The following SERINC4 variants were observed in gnomAD, a reference collection of about 807,000 sequenced individuals.
SERINC4 encodes serine incorporator 4.
SERINC4 carries 52 observed loss-of-function variants against 52.0 expected under a neutral mutation model. The observed-to-expected ratio is 1.00, with a 90% CI of 0.80 to 1.26. SERINC4 has a LOEUF of 1.26. Among genes scored for constraint, SERINC4 ranks in the 50% most tolerant of loss-of-function variants. The pLI is 0.00. For missense variants in SERINC4, 723 were observed against 632.8 expected (o/e 1.14, Z -1.53); for synonymous variants, 264 against 247.7 (o/e 1.07, Z -0.62).
In SERINC4 at chr15:43,799,450, A is replaced by T. The variant is rs2141696478; in HGVS notation, c.139T>A (p.Cys47Ser). 1 of 1,550,758 alleles carries T rather than the reference A, an allele frequency of 6.4e-7. No individual in the cohort carries two copies. The highest frequency in any genetic ancestry group is 2.4e-5 in the East Asian group (1 of 40,922). The change falls in exon 2 of 12, where the codon TGC becomes AGC. Residue 47 changes from cysteine (C) to serine (S), a missense_variant. Transcript: ENST00000319327. The part of the protein sequence containing the change: ...CCGPAPCASC[C>S]HSRWPSLTAS... ...GTGAGAGAGGGCCACCTAGAGTGGCAGCAGCTGGCACAAGGAGCAGGCCCA... is the reference window on the plus strand; with the variant it reads ...GTGAGAGAGGGCCACCTAGAGTGGCTGCAGCTGGCACAAGGAGCAGGCCCA...
At position 43,796,427 on chromosome 15, in the gene SERINC4, C is replaced by T. The variant is rs186131672; in HGVS notation, c.1067+189G>A. The T allele has an allele frequency of 5.5e-5, 40 of 725,698 alleles. No individual in the cohort carries two copies. In the East Asian group the frequency reaches 9.5e-4, roughly 17 times the overall value. The allele number at this position is 725,698 out of a possible 1,614,324, so 45.0% of individuals were successfully genotyped here. A position where few individuals can be genotyped will look rare whatever the true frequency, so the allele number is the denominator to read the frequency against. ...TTTTAAATTCTCAAGTCATTCCCCC[C>T]ACCCCCTTCATCTCATACAGATCAT... is the stretch of plus-strand genomic sequence containing the variant. On this transcript the variant is annotated intron_variant, in intron 8 of 11. Transcript: ENST00000319327.
chr15:43,795,730 AG>A lies in SERINC4; in HGVS notation c.1146del (p.Ser383HisfsTer119), dbSNP rs1336179804. 1 of 1,613,970 alleles carries A rather than the reference AG, an allele frequency of 6.2e-7. No homozygotes were observed. Among genetic ancestry groups the A allele is most frequent in the Non-Finnish European group, 8.5e-7 (1 of 1,179,930 alleles). ...GTTTCAGGGCAGCAGAAACACAGTG[AG>A]GGCTTCTGCAAAACAGAACGCAGGT... ...VKVYSYEFQKPSLCFCCPETV... is the reference protein window; with the variant it reads ...VKVYSYEFQKXSLCFCCPETV... On this transcript the variant is annotated frameshift_variant, in exon 10 of 12. Transcript: ENST00000319327. LOFTEE classifies it high-confidence loss of function.
chr15:43,797,433 C>T (rs2087238219), intron 5 of SERINC4, 77 bp from the exon 6 acceptor site: 4 of 1,163,958 alleles, frequency 3.4e-6, no homozygotes, highest in Admixed American at 2.1e-5. Context: ...TGCTCTGTTG[C>T]CCAGGCTGGA....
At chr15:43,798,922 C>T (rs1333099053) in intron 3 of SERINC4, 37 bp downstream of exon 3, 2 of 1,546,574 alleles carry the variant, frequency 1.3e-6, no homozygotes, top group Non-Finnish European at 8.7e-7. Flanking sequence ...TACTTTCCCT[C>T]CTCTGTCCCC....
chr15:43,799,098 G>A lies in SERINC4; in HGVS notation c.319C>T (p.Leu107Phe). The A allele has an allele frequency of 6.4e-7, 1 of 1,550,514 alleles. No individual in the cohort carries two copies. The highest frequency in any genetic ancestry group is 8.7e-7 in the Non-Finnish European group (1 of 1,146,920). The change falls in exon 3 of 12, where the codon CTC becomes TTC. Residue 107 changes from leucine (L) to phenylalanine (F), a missense_variant. Coordinates refer to ENST00000319327, the MANE Select transcript of SERINC4 (RefSeq NM_001258031.2). ...PSGLCAHLFG[L>F]SDCPVLSGSG... ...CCACTGAGCACTGGACAGTCAGAGA[G>A]GCCAAACAGGTGGGCACACAACCCC... is the stretch of plus-strand genomic sequence containing the variant.
rs1157645746 is a variant in SERINC4, at chr15:43,794,539, T to G, written c.*461A>C. 3 of 162,198 alleles carry G rather than the reference T, an allele frequency of 1.8e-5. No homozygotes were observed. Among genetic ancestry groups the G allele is most frequent in the Non-Finnish European group, 4.1e-5 (3 of 73,448 alleles). 10.0% of individuals were successfully genotyped at this position (162,198 alleles called of 1,614,324 possible). On this transcript the variant is annotated 3_prime_UTR_variant, in exon 12 of 12. Transcript: ENST00000319327. ...TCAAAATCAGGATTAAAACCTGGGG[T>G]AGCCTCTGTGCTCCTTTCTTCTATG...
chr15:43,799,834 T>C (rs2087284837), intron 1 of SERINC4, 51 bp downstream of exon 1: 3 of 1,351,996 alleles, frequency 2.2e-6, no homozygotes, highest in Non-Finnish European at 3.1e-6. Context: ...TATTGGCTTC[T>C]GCACGTCTTC....
In SERINC4 at chr15:43,795,035, T is replaced by A. The variant is rs1555458274; in HGVS notation, c.1522A>T (p.Ile508Phe). Residue 508 changes from isoleucine to phenylalanine, a missense_variant, in exon 12 of 12, where the codon ATC becomes TTC. By Grantham distance (21) the Ile-to-Phe change is conservative. Coordinates refer to ENST00000319327, the MANE Select transcript of SERINC4 (RefSeq NM_001258031.2). ...GGATATTTGTTATCTGGGGATATGA[T>A]GCGGTGGCGGCGGCGCCTCAAGATA... is the stretch of plus-strand genomic sequence containing the variant. ...PLILRRRRHRIISPDNKYPPV is the reference protein window; with the variant it reads ...PLILRRRRHRFISPDNKYPPV The A allele has an allele frequency of 6.2e-7, 1 of 1,610,868 alleles. No individual in the cohort carries two copies. Among genetic ancestry groups the A allele is most frequent in the East Asian group, 2.2e-5 (1 of 44,814 alleles).
chr15:43,794,866 T>A lies in SERINC4; in HGVS notation c.*134A>T. The A allele has an allele frequency of 1.4e-6, 1 of 695,746 alleles. No homozygotes were observed. Among genetic ancestry groups the A allele is most frequent in the Non-Finnish European group, 2.5e-6 (1 of 407,246 alleles). The allele number at this position is 695,746 out of a possible 1,614,324, so 43.1% of individuals were successfully genotyped here. A position where few individuals can be genotyped will look rare whatever the true frequency, so the allele number is the denominator to read the frequency against. On this transcript the variant is annotated 3_prime_UTR_variant, in exon 12 of 12. Transcript: ENST00000319327. ...GACTGTGTTTGACCACTTCTTCCAG[T>A]TCATAGTATTGACTTCAGCCCAAAC...
chr15:43,798,761 C>T, intron 3 of SERINC4, 198 bp downstream of exon 3: 1 of 634,186 alleles, frequency 1.6e-6, no homozygotes, highest in East Asian at 2.7e-5. Flanking sequence ...CCAAGATAAC[C>T]CCACTGTTAC....
chr15:43,798,950 C>T lies in SERINC4; in HGVS notation c.458+9G>A. On this transcript the variant is annotated intron_variant, in intron 3 of 11. Transcript: ENST00000319327. ...CTGTCCCCTCCCCACCCAGAAAGTA[C>T]ACACAAACCTATTATGCAGCTGTGC... 1 of 1,550,520 alleles carries T rather than the reference C, an allele frequency of 6.4e-7. No individual in the cohort carries two copies. The highest frequency in any genetic ancestry group is 8.7e-7 in the Non-Finnish European group (1 of 1,146,930).
intron 9 of SERINC4, chr15:43,795,938 A>G (rs2141689789): frequency 3.1e-6 from 2 of 642,614 alleles, no homozygotes; most frequent in Middle Eastern, 2.7e-4. Flanking sequence ...CCATTTGTAA[A>G]ATGGAGCAAA....
intron 10 of SERINC4, 48 bp from the exon 11 acceptor site, chr15:43,795,589 T>C: frequency 6.2e-7 from 1 of 1,612,790 alleles, no homozygotes; most frequent in Non-Finnish European, 8.5e-7. Flanking sequence ...GAAACACCTC[T>C]TCCCCTCTCC....
At position 43,799,797 on chromosome 15, in the gene SERINC4, T is replaced by C. The variant is rs145906392; in HGVS notation, c.102+88A>G. ...CTGGGGCAACGAACCAGAACGACAT[T>C]AGAGGAGAAAAGAGGCCTGTCGTTT... On this transcript the variant is annotated intron_variant, in intron 1 of 11. Coordinates refer to ENST00000319327, the MANE Select transcript of SERINC4 (RefSeq NM_001258031.2). 104 of 1,036,696 alleles carry C rather than the reference T, an allele frequency of 1.0e-4. No homozygotes were observed. The African/African-American group carries it at 1.4e-3, about 14-fold the overall frequency. The allele number at this position is 1,036,696 out of a possible 1,614,324, so 64.2% of individuals were successfully genotyped here.
intron 5 of SERINC4, 132 bp downstream of exon 5, chr15:43,797,788 C>T (rs2141693453): frequency 1.5e-6 from 1 of 662,586 alleles, no homozygotes; most frequent in South Asian, 1.9e-5. Context: ...CATCACATTC[C>T]TAAGCTTTTT....
In SERINC4 at chr15:43,796,612, G is replaced by A. The variant is rs200888964; in HGVS notation, c.1067+4C>T. On this transcript the variant is annotated splice_donor_region_variant and intron_variant, in intron 8 of 11. Coordinates refer to ENST00000319327, the MANE Select transcript of SERINC4 (RefSeq NM_001258031.2). ...ATACCTCCACCCTTGACACCTTTAC[G>A]CACCAAGCAAAAAGCACACAAGCAT... 2.6e-4 allele frequency: 427 copies of A among 1,613,546 alleles called. No homozygotes were observed. Among genetic ancestry groups the A allele is most frequent in the Non-Finnish European group, 3.3e-4 (387 of 1,179,902 alleles).
In SERINC4 at chr15:43,797,061, A is replaced by G. The variant is rs116954300; in HGVS notation, c.844+84T>C. 7.5e-3 allele frequency: 10,956 copies of G among 1,455,054 alleles called. 91 individuals are homozygous for G. Among genetic ancestry groups the G allele is most frequent in the Middle Eastern group, 0.032 (187 of 5,806 alleles). 90.1% of individuals were successfully genotyped at this position (1,455,054 alleles called of 1,614,324 possible). A position where few individuals can be genotyped will look rare whatever the true frequency, so the allele number is the denominator to read the frequency against. On this transcript the variant is annotated intron_variant, in intron 6 of 11. Coordinates refer to ENST00000319327, the MANE Select transcript of SERINC4 (RefSeq NM_001258031.2). ...ATAGGGAAGCAGAGATTCTTTTATC[A>G]AATAATTGAGATTAGGGAGGTAATG...
intron 4 of SERINC4, 115 bp downstream of exon 4, chr15:43,798,310 A>G (rs1305357077): frequency 3.6e-6 from 3 of 834,328 alleles, no homozygotes; most frequent in Non-Finnish European, 6.2e-6. Flanking sequence ...CAGCCTCCCA[A>G]AGTGCTGGGA....
intron 11 of SERINC4, 82 bp from the exon 12 acceptor site, chr15:43,795,295 G>A (rs1596044904): frequency 1.3e-6 from 2 of 1,576,692 alleles, no homozygotes; most frequent in Admixed American, 3.4e-5. Flanking sequence ...AAATATAATG[G>A]CAGACCCATG....
Sources: gnomAD v4.1 joint callset for allele counts on GRCh38, gnomAD v4.1.1 for gene constraint, MANE v1.5 for transcripts, NCBI Gene and HGNC (gene_info 2026-07-23, HGNC 2026-07-21) for gene names.